Variants in LIN7A observed in about 807,000 individuals in gnomAD.
LIN7A encodes the protein protein lin-7 homolog A.
LIN7A carries 25 observed loss-of-function variants against 29.8 expected under a neutral mutation model. The observed-to-expected ratio is 0.84, with a 90% CI of 0.61 to 1.17. The LOEUF is 1.17. Ranked by LOEUF, LIN7A falls within the 50% of genes most tolerant of loss-of-function variation. LIN7A has a pLI of 0.00. For synonymous variants in LIN7A, 118 were observed against 107.5 expected, an observed-to-expected ratio of 1.10 and a Z score of -0.60; for missense variants, 239 against 287.0, an observed-to-expected ratio of 0.83 and a Z score of 1.21.
At position 80,835,476 on chromosome 12, in the gene LIN7A, A is replaced by T. The variant is rs535883370; in HGVS notation, c.483+10254T>A. Among the ~76,000 whole-genome samples, 5 of 152,270 alleles carry T rather than the reference A, an allele frequency of 3.3e-5. No homozygotes were observed. In the South Asian group the frequency reaches 1.0e-3, roughly 32 times the overall value. On this transcript the variant is annotated intron_variant, in intron 4 of 5. Coordinates refer to ENST00000552864, the MANE Select transcript of LIN7A (RefSeq NM_004664.4). Reference sequence around the variant, plus strand: ...ATTTCCTCTGAAATTAGAGTATTTAATGGGGGACTTTTATTGTCTCTTGAA... The same window carrying T: ...ATTTCCTCTGAAATTAGAGTATTTATTGGGGGACTTTTATTGTCTCTTGAA...
intron 2 of LIN7A, among the ~76,000 whole-genome samples, chr12:80,881,087 A>G (rs537162514): frequency 6.6e-6 from 1 of 152,298 alleles, no homozygotes; most frequent in African/African-American, 2.4e-5. Context: ...AAACATGTCA[A>G]AAGTTTCATG....
intron 4 of LIN7A, among the ~76,000 whole-genome samples, chr12:80,845,040 A>C (rs528145696): frequency 3.3e-5 from 5 of 152,030 alleles, no homozygotes; most frequent in South Asian, 4.2e-4. Flanking sequence ...AGATTGAGAC[A>C]ATCCTGGCTA....
intron 4 of LIN7A, among the ~76,000 whole-genome samples, chr12:80,821,057 C>T (rs1871783231): frequency 6.6e-6 from 1 of 152,196 alleles, no homozygotes; most frequent in Admixed American, 6.5e-5. Context: ...AGAACTACCT[C>T]CCCCATACTC....
intron 2 of LIN7A, among the ~76,000 whole-genome samples, chr12:80,851,795 G>C (rs1396059663): frequency 1.3e-5 from 2 of 152,074 alleles, no homozygotes; most frequent in East Asian, 3.9e-4. Context: ...AATGGGTTTA[G>C]TTCCTAGTGT....
chr12:80,828,153 T>G (rs1005726805), intron 4 of LIN7A, among the ~76,000 whole-genome samples: 2 of 152,204 alleles, frequency 1.3e-5, no homozygotes, highest in African/African-American at 4.8e-5. Flanking sequence ...TGATATAGGC[T>G]TTTTGAGTCA....
chr12:80,854,411 C>A (rs958395975), intron 2 of LIN7A, among the ~76,000 whole-genome samples: 47 of 115,058 alleles, frequency 4.1e-4, no homozygotes, highest in African/African-American at 1.6e-3. Flanking sequence ...CCCATCTCTA[C>A]AAAATTTATT....
chr12:80,804,901 G>A (rs1211262896), intron 5 of LIN7A, among the ~76,000 whole-genome samples: 2 of 151,976 alleles, frequency 1.3e-5, no homozygotes, highest in Non-Finnish European at 2.9e-5. Context: ...TTGTGTACAA[G>A]TACCACATTT....
chr12:80,868,919 C>T (rs1388944815), intron 2 of LIN7A, among the ~76,000 whole-genome samples: 1 of 152,052 alleles, frequency 6.6e-6, no homozygotes, highest in Admixed American at 6.6e-5. Flanking sequence ...AGAGCAGAGA[C>T]TTTTCCAGTG....
chr12:80,903,487 A>G, intron 1 of LIN7A, among the ~76,000 whole-genome samples: 1 of 152,038 alleles, frequency 6.6e-6, no homozygotes, highest in East Asian at 1.9e-4. Flanking sequence ...GTTTCACTTA[A>G]TGGCCTCCAG....
intron 4 of LIN7A, among the ~76,000 whole-genome samples, chr12:80,835,635 G>C (rs918857696): frequency 2.6e-5 from 4 of 152,088 alleles, no homozygotes; most frequent in Non-Finnish European, 5.9e-5. Context: ...TATTTAAAAG[G>C]TATCCAGCGT....
At chr12:80,800,053 A>G (rs80036433) in intron 5 of LIN7A, among the ~76,000 whole-genome samples, 9,638 of 152,222 alleles carry the variant, frequency 0.063, 1,048 homozygotes, top group African/African-American at 0.22. Flanking sequence ...GGAAGAGAAG[A>G]CACAAATTAT....
intron 1 of LIN7A, among the ~76,000 whole-genome samples, chr12:80,932,948 C>T (rs929195260): frequency 6.6e-6 from 1 of 152,152 alleles, no homozygotes; most frequent in Non-Finnish European, 1.5e-5. Context: ...AGAAGAGTTG[C>T]TATGAACATT....
rs142535148 is a variant in LIN7A, at chr12:80,898,183, T to C, written c.83-8814A>G. 3.3e-4 allele frequency among the ~76,000 whole-genome samples: 51 copies of C among 152,378 alleles called. 1 individual carries two copies. In the East Asian group the frequency reaches 8.3e-3, roughly 25 times the overall value. On this transcript the variant is annotated intron_variant, in intron 1 of 5. Transcript: ENST00000552864. ...AGGAAGGGGTTCAGTTGCAATCTTC[T>C]GCATATGGCTAGCCAGTTATAACAG... is the stretch of plus-strand genomic sequence containing the variant.
At chr12:80,922,742 T>C (rs1877378570) in intron 1 of LIN7A, among the ~76,000 whole-genome samples, 1 of 152,200 alleles carries the variant, frequency 6.6e-6, no homozygotes, top group African/African-American at 2.4e-5. Context: ...AAATATTAAA[T>C]GGAAAATTCT....
intron 2 of LIN7A, among the ~76,000 whole-genome samples, chr12:80,867,078 A>G (rs2120460848): frequency 6.6e-6 from 1 of 152,130 alleles, no homozygotes; most frequent in Middle Eastern, 3.4e-3. Context: ...TCGCCCCCCA[A>G]GTAGCTGGGG....
intron 4 of LIN7A, among the ~76,000 whole-genome samples, chr12:80,845,117 G>A (rs1275594866): frequency 6.6e-6 from 1 of 151,652 alleles, no homozygotes; most frequent in Admixed American, 6.6e-5. Context: ...GGCGCCTGTA[G>A]TCCCAGCTAC....
rs188097854 is a variant in LIN7A, at chr12:80,908,419, A to G, written c.83-19050T>C. On this transcript the variant is annotated intron_variant, in intron 1 of 5. Coordinates refer to ENST00000552864, the MANE Select transcript of LIN7A (RefSeq NM_004664.4). ...GGGAAAGAGTCATTAAAATGACCTA[A>G]ATGAATGCCACATTTTAACATATAT... Among the ~76,000 whole-genome samples the G allele has an allele frequency of 9.2e-5, 14 of 152,112 alleles. No homozygotes were observed. In the East Asian group the frequency reaches 2.5e-3, roughly 27 times the overall value.
chr12:80,924,937 T>C (rs1172316070), intron 1 of LIN7A, among the ~76,000 whole-genome samples: 1 of 152,208 alleles, frequency 6.6e-6, no homozygotes, highest in Admixed American at 6.5e-5. Context: ...TAATATGATG[T>C]TCATTAATTC....
chr12:80,933,969 C>T lies in LIN7A; in HGVS notation c.82+3672G>A, dbSNP rs143320380. 2.7e-3 allele frequency among the ~76,000 whole-genome samples: 411 copies of T among 152,192 alleles called. 2 individuals carry two copies. The highest frequency in any genetic ancestry group is 9.6e-3 in the African/African-American group (399 of 41,500). ...TTTATTTTGTCCATTAGCACTGGCA[C>T]AGTGTATAAAACAATGTTTGGCGTA... On this transcript the variant is annotated intron_variant, in intron 1 of 5. Coordinates refer to ENST00000552864, the MANE Select transcript of LIN7A (RefSeq NM_004664.4).
Sources: allele counts gnomAD v4.1 joint callset (sites outside exome capture counted in the v4.1 genomes callset), GRCh38; gene constraint gnomAD v4.1.1; transcripts MANE v1.5; gene names NCBI Gene and HGNC (gene_info 2026-07-23, HGNC 2026-07-21).